TANC1: variants seen among roughly 807,000 people sequenced by gnomAD.
TANC1 encodes the protein tetratricopeptide repeat, ankyrin repeat and coiled-coil containing 1.
Under a neutral mutation model 149.7 loss-of-function variants are expected in TANC1, and 77 were observed. The observed-to-expected ratio is 0.51, with a 90% confidence interval of 0.43 to 0.62. The LOEUF (loss-of-function observed/expected upper bound fraction) is 0.62, where lower values mean the gene tolerates loss of function less well. Among genes scored for constraint, TANC1 ranks in the 20% least tolerant of loss-of-function variants. The pLI, the probability that TANC1 is intolerant of heterozygous loss-of-function variation, is 0.00. For missense variants in TANC1, 1,985 were observed against 2,321.8 expected (o/e 0.85, Z 2.98); for synonymous variants, 854 against 925.0 (o/e 0.92, Z 1.39).
intron 4 of TANC1, among the ~76,000 whole-genome samples, chr2:159,133,047 A>G (rs977091997): frequency 6.6e-6 from 1 of 152,188 alleles, no homozygotes; most frequent in African/African-American, 2.4e-5. Flanking sequence ...CTATTAGAGA[A>G]TAGTTTTGAA....
At chr2:159,219,214 G>A in intron 20 of TANC1, 24 bp from the exon 21 acceptor site, 3 of 1,613,836 alleles carry the variant, frequency 1.9e-6, no homozygotes, top group Non-Finnish European at 2.5e-6. Context: ...GCAGGAGGAT[G>A]GTAATTCCAA....
intron 3 of TANC1, among the ~76,000 whole-genome samples, chr2:159,096,849 G>A (rs529830498): frequency 6.6e-6 from 1 of 152,308 alleles, no homozygotes; most frequent in African/African-American, 2.4e-5. Context: ...AACTAGAAGC[G>A]AGAAGCCAAA....
At chr2:159,206,427 A>C (rs1371398145) in intron 19 of TANC1, among the ~76,000 whole-genome samples, 2 of 152,184 alleles carry the variant, frequency 1.3e-5, no homozygotes, top group African/African-American at 4.8e-5. Flanking sequence ...AAGAAGGCAG[A>C]GGGGTCAGGT....
chr2:158,979,800 ATAAAT>A (rs1359096475), intron 1 of TANC1, among the ~76,000 whole-genome samples: 1 of 152,230 alleles, frequency 6.6e-6, no homozygotes. Context: ...ATGGGTTTGA[ATAAAT>A]TAAGTTAATT....
In TANC1 at chr2:159,219,244, A is replaced by G; in HGVS notation, c.3385A>G (p.Arg1129Gly). 6 of 1,614,188 alleles carry G rather than the reference A, an allele frequency of 3.7e-6. No homozygotes were observed. Among genetic ancestry groups the G allele is most frequent in the Non-Finnish European group, 5.1e-6 (6 of 1,180,028 alleles). Residue 1129 changes from arginine to glycine, a missense_variant, in exon 21 of 27, where the codon AGA becomes GGA. Arg to Gly is a moderately radical substitution (Grantham distance 125, BLOSUM62 -2). Transcript: ENST00000263635. ...TTCCAAATGTCTCTTCCAGATTGTT[A>G]GACTGCTGTTGGAACGCGGCTGTGA... ...AARQGHWQIV[R>G]LLLERGCDVN...
intron 3 of TANC1, among the ~76,000 whole-genome samples, chr2:159,081,193 G>A (rs541307248): frequency 4.6e-5 from 7 of 152,192 alleles, no homozygotes; most frequent in Non-Finnish European, 1.0e-4. Context: ...AGAAGACAAG[G>A]AAGAAAATTG....
chr2:159,191,430 A>G (rs1045506246), intron 16 of TANC1, among the ~76,000 whole-genome samples: 21 of 152,174 alleles, frequency 1.4e-4, no homozygotes, highest in African/African-American at 4.1e-4. Flanking sequence ...AGAGCCCTGC[A>G]GGAAGTGATT....
chr2:159,005,426 A>G (rs1458402684), intron 2 of TANC1, among the ~76,000 whole-genome samples: 1 of 152,110 alleles, frequency 6.6e-6, no homozygotes, highest in Non-Finnish European at 1.5e-5. Flanking sequence ...CCCCATCTCT[A>G]CAAAAAATAC....
chr2:159,124,747 T>C (rs1000974923), intron 4 of TANC1, among the ~76,000 whole-genome samples: 11 of 152,120 alleles, frequency 7.2e-5, no homozygotes, highest in African/African-American at 2.4e-4. Context: ...GCTGCATTTT[T>C]TTTTTTTCCA....
At position 159,163,268 on chromosome 2, in the gene TANC1, G is replaced by C. The variant is rs767079373; in HGVS notation, c.683-15G>C. 2 of 1,609,994 alleles carry C rather than the reference G, an allele frequency of 1.2e-6. No individual in the cohort carries two copies. Among genetic ancestry groups the C allele is most frequent in the East Asian group, 2.2e-5 (1 of 44,818 alleles). ...TGCCTGGCCTCCTTCAAAGTATTTT[G>C]GTCTTTCATTTCAGCCACAATTACA... is the stretch of plus-strand genomic sequence containing the variant. On this transcript the variant is annotated splice_polypyrimidine_tract_variant and intron_variant, in intron 7 of 26. Coordinates refer to ENST00000263635, the MANE Select transcript of TANC1 (RefSeq NM_033394.3).
chr2:159,159,654 T>A (rs1575021125), intron 7 of TANC1, among the ~76,000 whole-genome samples: 1 of 151,612 alleles, frequency 6.6e-6, no homozygotes, highest in East Asian at 1.9e-4. Context: ...ATCAGAAGAA[T>A]TGGTATTAGC....
At chr2:159,143,143 C>T (rs1377356952) in intron 5 of TANC1, among the ~76,000 whole-genome samples, 6 of 150,610 alleles carry the variant, frequency 4.0e-5, no homozygotes, top group African/African-American at 1.2e-4. Flanking sequence ...CATAATAAAA[C>T]TTGACATTTC....
At chr2:159,012,407 CCT>C (rs1390234038) in intron 2 of TANC1, among the ~76,000 whole-genome samples, 2 of 151,976 alleles carry the variant, frequency 1.3e-5, no homozygotes, top group Non-Finnish European at 2.9e-5. Context: ...CAAACACGTG[CCT>C]CTGGAACCTT....
At chr2:159,093,843 T>C (rs896360375) in intron 3 of TANC1, among the ~76,000 whole-genome samples, 1 of 151,746 alleles carries the variant, frequency 6.6e-6, no homozygotes, top group Non-Finnish European at 1.5e-5. Context: ...GCTTACAGCA[T>C]GCTTTGGAAA....
At position 159,185,801 on chromosome 2, in the gene TANC1, G is replaced by A. The variant is rs199500274; in HGVS notation, c.2521G>A (p.Ala841Thr). The change falls in exon 15 of 27, where the codon GCG (alanine) becomes ACG (threonine). Residue 841 changes from alanine (A) to threonine (T), a missense_variant. By Grantham distance (58) the Ala-to-Thr change is moderately conservative (BLOSUM62 0). Around this residue, in one of 3 missense-constraint regions of TANC1, gnomAD observed 508 missense variants for 714.2 expected, o/e 0.71. Transcript: ENST00000263635. ...AFLCEPRNGH[A>T]LLAFMFSRQE... Reference sequence around the variant, plus strand: ...TATTCCTTCCCCTAGGAACGGGCACGCGCTCTTGGCATTCATGTTCTCGCG... The same window carrying A: ...TATTCCTTCCCCTAGGAACGGGCACACGCTCTTGGCATTCATGTTCTCGCG... 2.2e-4 allele frequency: 360 copies of A among 1,613,770 alleles called. No individual in the cohort carries two copies. The highest frequency in any genetic ancestry group is 2.9e-4 in the Non-Finnish European group (342 of 1,179,818).
rs778829193 is a variant in TANC1, at chr2:159,224,310, G to T, written c.3757G>T (p.Gly1253Cys). ...GATGCGGCCCTTGGACAGAGCCATCGGCTGCCGGAACACATCTGTAGTGGT... is the reference window on the plus strand; with the variant it reads ...GATGCGGCCCTTGGACAGAGCCATCTGCTGCCGGAACACATCTGTAGTGGT... ...SGMRPLDRAI[G>C]CRNTSVVVAL... Residue 1253 changes from glycine to cysteine, a missense_variant, in exon 23 of 27, where the codon GGC becomes TGC. Transcript: ENST00000263635. The T allele has an allele frequency of 6.2e-7, 1 of 1,614,162 alleles. No individual in the cohort carries two copies. Among genetic ancestry groups the T allele is most frequent in the East Asian group, 2.2e-5 (1 of 44,882 alleles).
Position 159,136,031 on chromosome 2 carries a change from TGTGTGTGTGTGTGTGTGTGCGCGC to T in TANC1, c.260-161_260-138del, listed in dbSNP as rs1179527162. Among the ~76,000 whole-genome samples the T allele has an allele frequency of 1.9e-4, 16 of 84,532 alleles. No individual in the cohort carries two copies. The South Asian group carries it at 3.2e-3, about 17-fold the overall frequency. 55.5% of individuals were successfully genotyped at this position (84,532 alleles called of 152,430 possible). ...GTGTGTGTGTGTGTGTGTGTGTGTG[TGTGTGTGTGTGTGTGTGTGCGCGC>T]GCGCGCGTTTAAGGGAGGGGAAGGC... On this transcript the variant is annotated intron_variant, in intron 4 of 26. Coordinates refer to ENST00000263635, the MANE Select transcript of TANC1 (RefSeq NM_033394.3).
At chr2:159,018,176 G>A (rs2038465187) in intron 2 of TANC1, among the ~76,000 whole-genome samples, 1 of 152,094 alleles carries the variant, frequency 6.6e-6, no homozygotes, top group Non-Finnish European at 1.5e-5. Context: ...TATTATGAAG[G>A]AAGCACAGCC....
intron 4 of TANC1, among the ~76,000 whole-genome samples, chr2:159,104,981 C>CTTTTTTTTT (rs146778655): frequency 2.3e-5 from 1 of 43,384 alleles, no homozygotes; most frequent in African/African-American, 7.1e-5. Context: ...TGGATATTTG[C>CTTTTTTTTT]TTTTTTTTTT....
Sources: allele counts gnomAD v4.1 joint callset (sites outside exome capture counted in the v4.1 genomes callset), GRCh38; gene constraint gnomAD v4.1.1; regional missense constraint gnomAD v4.1.1; transcripts MANE v1.5; gene names NCBI Gene and HGNC (gene_info 2026-07-23, HGNC 2026-07-21).